PRELID2: variants seen among roughly 807,000 people sequenced by gnomAD.
PRELID2 encodes PRELI domain-containing protein 2.
A neutral mutation model predicts 28.4 loss-of-function variants in PRELID2; 25 were observed. The ratio of observed to expected loss-of-function variants is 0.88; its 90% CI spans 0.64 to 1.23. The LOEUF is 1.23. PRELID2 is among the 50% of genes most tolerant of loss of function. The pLI is 0.00. For missense variants in PRELID2, 201 were observed against 214.4 expected (o/e 0.94, Z 0.39); for synonymous variants, 76 against 71.6 (o/e 1.06, Z -0.31).
chr5:145,658,806 A>C (rs1342316662), intron 1 of PRELID2, among the ~76,000 whole-genome samples: 1 of 152,212 alleles, frequency 6.6e-6, no homozygotes, highest in Admixed American at 6.5e-5. Flanking sequence ...TCACAATGCA[A>C]ACTAACACAA....
chr5:145,725,136 A>C (rs553075383), intron 1 of PRELID2, among the ~76,000 whole-genome samples: 1 of 149,262 alleles, frequency 6.7e-6, no homozygotes, highest in Admixed American at 6.7e-5. Context: ...TATTGACTGT[A>C]TGTGAAAGGA....
intron 1 of PRELID2, among the ~76,000 whole-genome samples, chr5:145,706,678 A>C (rs1284646129): frequency 6.6e-6 from 1 of 152,250 alleles, no homozygotes; most frequent in Non-Finnish European, 1.5e-5. Context: ...CAGTGTCAGC[A>C]TTGTTCAGTC....
intron 1 of PRELID2, among the ~76,000 whole-genome samples, chr5:145,531,795 C>G (rs939240496): frequency 2.6e-5 from 4 of 152,136 alleles, no homozygotes; most frequent in Non-Finnish European, 4.4e-5. Flanking sequence ...CCCCAACCTG[C>G]TAACCAATAT....
the PRELID2 span, among the ~76,000 whole-genome samples, chr5:145,417,830 C>T: frequency 1.3e-5 from 2 of 152,270 alleles, no homozygotes; most frequent in East Asian, 3.9e-4. Flanking sequence ...CTCTTGAAAA[C>T]CAGCATAAGG....
intron 4 of PRELID2, among the ~76,000 whole-genome samples, chr5:145,817,367 A>C (rs1205932686): frequency 7.0e-6 from 1 of 142,728 alleles, no homozygotes; most frequent in Non-Finnish European, 1.5e-5. Context: ...TAGCTACATA[A>C]AATGTCATAT....
intron 5 of PRELID2, among the ~76,000 whole-genome samples, chr5:145,773,869 A>G (rs1026766126): frequency 1.8e-4 from 28 of 152,280 alleles, no homozygotes; most frequent in Admixed American, 1.4e-3. Flanking sequence ...AGAATAAATG[A>G]ATCCAATTGA....
chr5:145,302,009 C>G, the PRELID2 span, among the ~76,000 whole-genome samples: 1 of 141,694 alleles, frequency 7.1e-6, no homozygotes, highest in East Asian at 2.1e-4. Context: ...AGTTACTACA[C>G]ACAAAAAAAA....
intron 1 of PRELID2, among the ~76,000 whole-genome samples, chr5:145,665,117 C>T (rs1754562549): frequency 6.6e-6 from 1 of 151,936 alleles, no homozygotes; most frequent in Non-Finnish European, 1.5e-5. Context: ...TTTTTCTGCT[C>T]AGCAAACACT....
At chr5:145,344,850 G>C in the PRELID2 span, among the ~76,000 whole-genome samples, 2 of 151,912 alleles carry the variant, frequency 1.3e-5, no homozygotes, top group African/African-American at 2.4e-5. Context: ...TGAATTGCCT[G>C]TTTGTCCTTA....
chr5:145,551,470 T>C (rs1752833665), intron 1 of PRELID2, among the ~76,000 whole-genome samples: 1 of 152,118 alleles, frequency 6.6e-6, no homozygotes, highest in African/African-American at 2.4e-5. Flanking sequence ...AAAAACTCTC[T>C]AACAACTCTT....
At chr5:145,661,666 TAAAAAAAA>T (rs567073073) in intron 1 of PRELID2, among the ~76,000 whole-genome samples, 2 of 97,184 alleles carry the variant, frequency 2.1e-5, no homozygotes, top group Non-Finnish European at 2.4e-5. Flanking sequence ...AACAAGCCAT[TAAAAAAAA>T]AAAAAAAAAA....
At chr5:145,741,240 A>G (rs1375139962) in intron 1 of PRELID2, among the ~76,000 whole-genome samples, 3 of 113,520 alleles carry the variant, frequency 2.6e-5, no homozygotes, top group African/African-American at 1.1e-4. Context: ...TATATAATAT[A>G]AATATATAAT....
At chr5:145,414,081 C>T in the PRELID2 span, among the ~76,000 whole-genome samples, 1 of 152,062 alleles carries the variant, frequency 6.6e-6, no homozygotes, top group East Asian at 1.9e-4. Context: ...TTGTCTTTGC[C>T]CCTACTGTTA....
At chr5:145,280,591 T>C in the PRELID2 span, among the ~76,000 whole-genome samples, 1 of 152,052 alleles carries the variant, frequency 6.6e-6, no homozygotes, top group Non-Finnish European at 1.5e-5. Context: ...GCATGGCACA[T>C]GTATACACAT....
intron 1 of PRELID2, among the ~76,000 whole-genome samples, chr5:145,604,638 T>C (rs1342412638): frequency 6.6e-6 from 1 of 151,668 alleles, no homozygotes; most frequent in African/African-American, 2.4e-5. Context: ...CTAAGTTCTT[T>C]GAGAAATCAC....
At chr5:145,315,359 C>T in the PRELID2 span, among the ~76,000 whole-genome samples, 11 of 152,118 alleles carry the variant, frequency 7.2e-5, no homozygotes, top group East Asian at 7.7e-4. Flanking sequence ...TGAGCCACCA[C>T]GCCTGGCCTC....
At chr5:145,631,811 A>G (rs1753936511) in intron 1 of PRELID2, among the ~76,000 whole-genome samples, 1 of 152,186 alleles carries the variant, frequency 6.6e-6, no homozygotes, top group Non-Finnish European at 1.5e-5. Context: ...GTACATATTC[A>G]TTTATTTGTA....
At chr5:145,826,167 T>C in intron 1 of PRELID2, 1 of 985,426 alleles carries the variant, frequency 1.0e-6, no homozygotes, top group South Asian at 4.7e-5. Flanking sequence ...GCCATGCGCA[T>C]GATCTCATTC....
the PRELID2 span, among the ~76,000 whole-genome samples, chr5:145,428,575 C>A: frequency 2.0e-5 from 3 of 152,112 alleles, no homozygotes; most frequent in East Asian, 5.8e-4. Context: ...AGGAGATATA[C>A]CTAATGTAAA....
Sources: allele counts gnomAD v4.1 joint callset (sites outside exome capture counted in the v4.1 genomes callset), GRCh38; gene constraint gnomAD v4.1.1; transcripts MANE v1.5; gene names NCBI Gene and HGNC (gene_info 2026-07-23, HGNC 2026-07-21).